CDH18: variants seen among roughly 807,000 people sequenced by gnomAD.
The protein encoded by CDH18 is cadherin-18.
Under a neutral mutation model 67.9 loss-of-function variants are expected in CDH18, and 31 were observed. The ratio of observed to expected loss-of-function variants is 0.46; its 90% CI spans 0.34 to 0.62. CDH18 has a LOEUF of 0.62. CDH18 is among the 20% of genes least tolerant of loss of function. CDH18 has a pLI of 0.01. For missense variants in CDH18, 890 were observed against 975.5 expected, an observed-to-expected ratio of 0.91 and a Z score of 1.17; for synonymous variants, 362 against 347.2, an observed-to-expected ratio of 1.04 and a Z score of -0.48.
intron 1 of CDH18, among the ~76,000 whole-genome samples, chr5:20,414,362 A>T (rs538285377): frequency 4.7e-4 from 72 of 152,340 alleles, no homozygotes; most frequent in African/African-American, 1.7e-3. Flanking sequence ...GAATTAACAC[A>T]GAAACTGAAA....
chr5:19,820,357 A>G (rs1336796555), intron 3 of CDH18, among the ~76,000 whole-genome samples: 3 of 152,088 alleles, frequency 2.0e-5, no homozygotes, highest in Non-Finnish European at 4.4e-5. Context: ...CAGAGGGAGA[A>G]ACCAACAGGG....
At chr5:19,928,888 T>C (rs1462526125) in intron 2 of CDH18, among the ~76,000 whole-genome samples, 1 of 152,088 alleles carries the variant, frequency 6.6e-6, no homozygotes, top group East Asian at 1.9e-4. Context: ...CAATATCCCA[T>C]TTTACAGATG....
chr5:19,897,128 C>T (rs759815464), intron 2 of CDH18, among the ~76,000 whole-genome samples: 2 of 151,726 alleles, frequency 1.3e-5, no homozygotes, highest in Non-Finnish European at 2.9e-5. Flanking sequence ...AAAAGAAACA[C>T]CCATTAATAG....
chr5:20,410,192 C>T lies in CDH18; in HGVS notation c.-579-154687G>A, dbSNP rs1253922909. 2.0e-4 allele frequency among the ~76,000 whole-genome samples: 5 copies of T among 25,080 alleles called. No homozygotes were observed. In the Admixed American group the frequency reaches 2.2e-3, roughly 11 times the overall value. The allele number at this position is 25,080 out of a possible 152,430, so 16.5% of individuals were successfully genotyped here. ...GACAAAAACACCACAAAAAGGAAAA[C>T]TACAGACAATATACTAGAATTAATA... On this transcript the variant is annotated intron_variant, in intron 1 of 14. Coordinates refer to the CDH18 transcript ENST00000507958.
chr5:20,285,436 A>C (rs2126715919), intron 1 of CDH18, among the ~76,000 whole-genome samples: 1 of 147,658 alleles, frequency 6.8e-6, no homozygotes, highest in Non-Finnish European at 1.5e-5. Context: ...ATCATAATAT[A>C]ATATAATAAT....
At chr5:20,524,784 A>C (rs2126532913) in intron 1 of CDH18, among the ~76,000 whole-genome samples, 1 of 152,302 alleles carries the variant, frequency 6.6e-6, no homozygotes, top group South Asian at 2.1e-4. Context: ...TCAAAAACCA[A>C]GCCCTGAGGT....
At chr5:20,308,079 C>CTTTT (rs759117114) in intron 1 of CDH18, among the ~76,000 whole-genome samples, 1,178 of 85,318 alleles carry the variant, frequency 0.014, 76 homozygotes, top group African/African-American at 0.058. Context: ...AATACTACTG[C>CTTTT]TTTTTTTTTT....
chr5:19,862,717 T>C (rs1486566809), intron 2 of CDH18, among the ~76,000 whole-genome samples: 1 of 152,216 alleles, frequency 6.6e-6, no homozygotes, highest in East Asian at 1.9e-4. Flanking sequence ...AACTTAAGCC[T>C]ATCTATATTC....
intron 10 of CDH18, among the ~76,000 whole-genome samples, chr5:19,504,048 T>C (rs1479980865): frequency 6.6e-6 from 1 of 152,100 alleles, no homozygotes; most frequent in Non-Finnish European, 1.5e-5. Context: ...AGTTCAATAT[T>C]TTCCAAAGAA....
chr5:20,056,140 A>G (rs969654066), intron 2 of CDH18, among the ~76,000 whole-genome samples: 44 of 150,778 alleles, frequency 2.9e-4, no homozygotes, highest in African/African-American at 1.1e-3. Flanking sequence ...TAGTAGCTGG[A>G]ACTACAGGCG....
intron 2 of CDH18, among the ~76,000 whole-genome samples, chr5:20,233,617 T>C (rs531939499): frequency 6.6e-5 from 10 of 152,018 alleles, no homozygotes; most frequent in Non-Finnish European, 7.4e-5. Flanking sequence ...CGCATGTATA[T>C]ACATATACAC....
intron 8 of CDH18, among the ~76,000 whole-genome samples, chr5:19,555,240 C>T (rs1458691128): frequency 6.6e-6 from 1 of 152,168 alleles, no homozygotes; most frequent in African/African-American, 2.4e-5. Context: ...AGAACTACCA[C>T]AGGAACATAC....
At chr5:20,301,609 T>C (rs1735915006) in intron 1 of CDH18, among the ~76,000 whole-genome samples, 2 of 152,176 alleles carry the variant, frequency 1.3e-5, no homozygotes, top group South Asian at 2.1e-4. Flanking sequence ...TCAAAATGTA[T>C]TGTGCTTGAA....
In CDH18 at chr5:19,897,233, A is replaced by G. The variant is rs190018273; in HGVS notation, c.-256-57991T>C. On this transcript the variant is annotated intron_variant, in intron 2 of 12. Coordinates refer to ENST00000382275, the MANE Select transcript of CDH18 (RefSeq NM_004934.5). ...AAGAGTTTCTACAAAACAATTAAAAAGCCACAGTGAAAAAAAGAAATGGGC... is the reference window on the plus strand; with the variant it reads ...AAGAGTTTCTACAAAACAATTAAAAGGCCACAGTGAAAAAAAGAAATGGGC... Among the ~76,000 whole-genome samples the G allele has an allele frequency of 5.0e-4, 76 of 152,292 alleles. 2 individuals are homozygous for G. The East Asian group carries it at 0.01, about 20-fold the overall frequency.
intron 2 of CDH18, among the ~76,000 whole-genome samples, chr5:20,043,149 T>C (rs1429011024): frequency 6.6e-6 from 1 of 152,108 alleles, no homozygotes; most frequent in Non-Finnish European, 1.5e-5. Context: ...ACAGTAGCAG[T>C]AATGTCAATC....
At position 20,337,884 on chromosome 5, in the gene CDH18, A is replaced by C. The variant is rs1580786269; in HGVS notation, c.-579-82379T>G. On this transcript the variant is annotated intron_variant, in intron 1 of 14. Transcript: ENST00000507958. ...TTACAAAAGAAAGAGATTTAATTGCACTTACAGTTCCACGTGGCTGGGGAA... is the reference window on the plus strand; with the variant it reads ...TTACAAAAGAAAGAGATTTAATTGCCCTTACAGTTCCACGTGGCTGGGGAA... Among the ~76,000 whole-genome samples, 3 of 152,370 alleles carry C rather than the reference A, an allele frequency of 2.0e-5. No individual in the cohort carries two copies. The East Asian group carries it at 5.8e-4, about 29-fold the overall frequency.
intron 3 of CDH18, among the ~76,000 whole-genome samples, chr5:19,820,039 C>T (rs1364679517): frequency 6.6e-6 from 1 of 152,058 alleles, no homozygotes; most frequent in Non-Finnish European, 1.5e-5. Flanking sequence ...TAGTCCCAAC[C>T]CTCCAGGGTT....
rs190699040 is a variant in CDH18 at position 19,774,568 on chromosome 5, T to A, written c.229-27332A>T. On this transcript the variant is annotated intron_variant, in intron 3 of 12. Transcript: ENST00000382275. ...TGGGCGCAGTGGCTCACGCCTGTAATCCCAGCACTTTGGGAGGCTGAGGCG... is the reference window on the plus strand; with the variant it reads ...TGGGCGCAGTGGCTCACGCCTGTAAACCCAGCACTTTGGGAGGCTGAGGCG... 1.4e-4 allele frequency among the ~76,000 whole-genome samples: 21 copies of A among 151,094 alleles called. No homozygotes were observed. In the East Asian group the frequency reaches 3.9e-3, roughly 28 times the overall value.
intron 2 of CDH18, among the ~76,000 whole-genome samples, chr5:20,080,305 T>C (rs996451988): frequency 6.6e-6 from 1 of 152,200 alleles, no homozygotes; most frequent in South Asian, 2.1e-4. Context: ...CATCTTTTTT[T>C]GTTGCACCCA....
Sources: allele counts gnomAD v4.1 joint callset (sites outside exome capture counted in the v4.1 genomes callset), GRCh38; gene constraint gnomAD v4.1.1; transcripts MANE v1.5; gene names NCBI Gene and HGNC (gene_info 2026-07-23, HGNC 2026-07-21).